STON2: variants seen among roughly 807,000 people sequenced by gnomAD.
STON2 encodes the protein stonin-2.
In STON2, 29 loss-of-function variants were observed where a neutral mutation model predicts 65.7. The ratio of observed to expected loss-of-function variants is 0.44; its 90% CI spans 0.33 to 0.60. The LOEUF is 0.60. STON2 is among the 20% of genes least tolerant of loss of function. The pLI is 0.03. For missense variants in STON2, 1,054 were observed against 1,118.1 expected (o/e 0.94, Z 0.82); for synonymous variants, 404 against 414.2 (o/e 0.98, Z 0.30).
At chr14:81,428,609 G>A (rs923651883) in intron 1 of STON2, among the ~76,000 whole-genome samples, 2 of 152,130 alleles carry the variant, frequency 1.3e-5, no homozygotes, top group African/African-American at 2.4e-5. Flanking sequence ...TGTAGTCCCA[G>A]CTACTGGGGA....
intron 2 of STON2, among the ~76,000 whole-genome samples, chr14:81,409,210 G>C (rs1029120355): frequency 1.3e-5 from 2 of 152,004 alleles, no homozygotes; most frequent in Non-Finnish European, 2.9e-5. Flanking sequence ...TTTCTGACCA[G>C]ACTGGCCAAC....
At chr14:81,336,863 C>T (rs1007852322) in intron 4 of STON2, among the ~76,000 whole-genome samples, 3 of 152,120 alleles carry the variant, frequency 2.0e-5, no homozygotes, top group Non-Finnish European at 2.9e-5. Context: ...GGCAGAGAGG[C>T]TTTAACCTCA....
rs1368294915 is a variant in STON2 at position 81,276,791 on chromosome 14, C to A, written c.2581+110G>T. ...TTCTGGTCCCACTCCCCCTCCATCACCACTCCCATCACACAGCAAAAACAA... is the reference window on the plus strand; with the variant it reads ...TTCTGGTCCCACTCCCCCTCCATCAACACTCCCATCACACAGCAAAAACAA... On this transcript the variant is annotated intron_variant, in intron 6 of 7. Transcript: ENST00000614646. 5 of 1,317,970 alleles carry A rather than the reference C, an allele frequency of 3.8e-6. No homozygotes were observed. In the Admixed American group the frequency reaches 1.1e-4, roughly 30 times the overall value. 81.6% of individuals were successfully genotyped at this position (1,317,970 alleles called of 1,614,324 possible). A position where few individuals can be genotyped will look rare whatever the true frequency, so the allele number is the denominator to read the frequency against.
At chr14:81,384,624 C>T (rs766035812) in intron 3 of STON2, among the ~76,000 whole-genome samples, 17 of 152,254 alleles carry the variant, frequency 1.1e-4, no homozygotes, top group Non-Finnish European at 1.9e-4. Context: ...CCATGGGGCA[C>T]GAGTATTTGG....
intron 5 of STON2, among the ~76,000 whole-genome samples, chr14:81,298,414 T>TGG (rs750361025): frequency 1.4e-4 from 16 of 111,972 alleles, no homozygotes; most frequent in South Asian, 3.1e-4. Flanking sequence ...CTGCTTCAGA[T>TGG]GGGGGGGGGG....
chr14:81,411,165 A>G (rs564559995), intron 2 of STON2, among the ~76,000 whole-genome samples: 1 of 152,318 alleles, frequency 6.6e-6, no homozygotes, highest in South Asian at 2.1e-4. Context: ...TCAGGAGGCC[A>G]ATGGCAATTC....
rs768273731 is a variant in STON2 at position 81,313,720 on chromosome 14, G to A, written c.742+10297C>T. On this transcript the variant is annotated intron_variant, in intron 5 of 7. Transcript: ENST00000614646. ...TGAGGCAGGAGAATCGCTTGAACCCGGGAGGCAGATGTTGCAGTGAGCCAA... is the reference window on the plus strand; with the variant it reads ...TGAGGCAGGAGAATCGCTTGAACCCAGGAGGCAGATGTTGCAGTGAGCCAA... 8.6e-4 allele frequency among the ~76,000 whole-genome samples: 130 copies of A among 151,458 alleles called. 1 individual carries two copies. The highest frequency in any genetic ancestry group is 3.0e-3 in the African/African-American group (125 of 41,244).
intron 4 of STON2, among the ~76,000 whole-genome samples, chr14:81,350,856 T>C (rs1038297032): frequency 2.0e-5 from 3 of 152,174 alleles, no homozygotes; most frequent in African/African-American, 7.2e-5. Flanking sequence ...ACTGATACTT[T>C]GTTGAGTGCA....
intron 5 of STON2, among the ~76,000 whole-genome samples, chr14:81,311,174 T>C (rs777012300): frequency 9.9e-5 from 15 of 152,148 alleles, no homozygotes; most frequent in Non-Finnish European, 1.9e-4. Flanking sequence ...CCTAGTATTA[T>C]ACCCAGCCAC....
intron 4 of STON2, among the ~76,000 whole-genome samples, chr14:81,358,541 TTACCTATTAA>T (rs2140333941): frequency 6.6e-6 from 1 of 152,276 alleles, no homozygotes; most frequent in South Asian, 2.1e-4. Flanking sequence ...TGGTAAGTTT[TTACCTATTAA>T]TACTTACCTT....
chr14:81,267,572 T>A lies in STON2; in HGVS notation c.*842A>T. ...ATCAGAAGTGGACTGTATTTTTCAG[T>A]GTGAATTTGGGAATTCACTGAGATT... On this transcript the variant is annotated 3_prime_UTR_variant, in exon 8 of 8. Coordinates refer to ENST00000614646, the MANE Select transcript of STON2 (RefSeq NM_001394390.1). 1 of 985,226 alleles carries A rather than the reference T, an allele frequency of 1.0e-6. No homozygotes were observed. The highest frequency in any genetic ancestry group is 1.2e-6 in the Non-Finnish European group (1 of 829,730). The allele number at this position is 985,226 out of a possible 1,614,324, so 61.0% of individuals were successfully genotyped here.
At position 81,303,060 on chromosome 14, in the gene STON2, G is replaced by GTA. The variant is rs781389244; in HGVS notation, c.742+20956_742+20957insTA. Among the ~76,000 whole-genome samples the GTA allele has an allele frequency of 8.5e-5, 9 of 105,590 alleles. No homozygotes were observed. In the South Asian group the frequency reaches 2.3e-3, roughly 27 times the overall value. The allele number at this position is 105,590 out of a possible 152,430, so 69.3% of individuals were successfully genotyped here. A position where few individuals can be genotyped will look rare whatever the true frequency, so the allele number is the denominator to read the frequency against. ...CAGTGAGGGTGTACATGTGTGGGGG[G>GTA]TGTGTGTGTGTGTGTGTGTGTGTGT... On this transcript the variant is annotated intron_variant, in intron 5 of 7. Coordinates refer to ENST00000614646, the MANE Select transcript of STON2 (RefSeq NM_001394390.1).
intron 4 of STON2, 101 bp downstream of exon 4, chr14:81,370,887 C>A: frequency 9.0e-7 from 1 of 1,117,016 alleles, no homozygotes. Context: ...ACTCATTCTG[C>A]AAAGGAAGCC....
chr14:81,297,932 G>A (rs1049624073), intron 5 of STON2, among the ~76,000 whole-genome samples: 4 of 152,234 alleles, frequency 2.6e-5, no homozygotes, highest in African/African-American at 9.6e-5. Context: ...AGCTACTCGG[G>A]AGGCTGAGGC....
chr14:81,274,025 G>C (rs1452125088), intron 6 of STON2, among the ~76,000 whole-genome samples: 1 of 152,156 alleles, frequency 6.6e-6, no homozygotes, highest in African/African-American at 2.4e-5. Flanking sequence ...TCAATTCTCT[G>C]GGTTCCCGGA....
intron 3 of STON2, among the ~76,000 whole-genome samples, chr14:81,393,599 TTAA>T (rs1201169933): frequency 1.3e-5 from 2 of 152,216 alleles, no homozygotes; most frequent in African/African-American, 4.8e-5. Context: ...GTAATATGGA[TTAA>T]TATTAATACC....
In STON2 at chr14:81,332,964, T is replaced by C. The variant is rs73339717; in HGVS notation, c.572-8777A>G. 553 of 463,100 alleles carry C rather than the reference T, an allele frequency of 1.2e-3. 6 individuals are homozygous for C. Among genetic ancestry groups the C allele is most frequent in the African/African-American group, 9.9e-3 (497 of 50,414 alleles). The allele number at this position is 463,100 out of a possible 1,614,324, so 28.7% of individuals were successfully genotyped here. On this transcript the variant is annotated intron_variant, in intron 4 of 7. Coordinates refer to ENST00000614646, the MANE Select transcript of STON2 (RefSeq NM_001394390.1). ...CCACAGCTCACTGCTAGACACCTCA[T>C]TTCTTTTTAGCGACACCAACTTTGG...
Position 81,263,795 on chromosome 14 carries a change from GT to G in STON2, c.*4618del. ...ATTTCTATAAGCAGGCTGGATGGTA[GT>G]GCTTCCTACTTAAACCAATTTAATA... On this transcript the variant is annotated 3_prime_UTR_variant, in exon 8 of 8. Coordinates refer to ENST00000614646, the MANE Select transcript of STON2 (RefSeq NM_001394390.1). 1 of 985,360 alleles carries G rather than the reference GT, an allele frequency of 1.0e-6. No homozygotes were observed. The allele number at this position is 985,360 out of a possible 1,614,324, so 61.0% of individuals were successfully genotyped here.
intron 7 of STON2, chr14:81,269,993 C>T (rs1894507239): frequency 1.0e-6 from 1 of 985,218 alleles, no homozygotes; most frequent in Admixed American, 6.2e-5. Flanking sequence ...GAAGCATATG[C>T]TTTGGGATAG....
Sources: allele counts gnomAD v4.1 joint callset (sites outside exome capture counted in the v4.1 genomes callset), GRCh38; gene constraint gnomAD v4.1.1; transcripts MANE v1.5; gene names NCBI Gene and HGNC (gene_info 2026-07-23, HGNC 2026-07-21).